The following MYO10 variants were observed in gnomAD, a reference collection of about 807,000 sequenced individuals.
MYO10 encodes unconventional myosin-X.
Under a neutral mutation model 257.3 loss-of-function variants are expected in MYO10, and 133 were observed. That is an observed-to-expected ratio of 0.52 (90% CI 0.45 to 0.60). The LOEUF (loss-of-function observed/expected upper bound fraction) is 0.60. MYO10 is among the 20% of genes least tolerant of loss of function. The probability of loss-of-function intolerance (pLI) is 0.00; values close to 1 mark genes in which losing one functional copy is unlikely to be tolerated. For synonymous variants in MYO10, 1,104 were observed against 1,028.6 expected (o/e 1.07, Z -1.40); for missense variants, 2,399 against 2,635.7 (o/e 0.91, Z 1.97).
intron 19 of MYO10, among the ~76,000 whole-genome samples, chr5:16,740,249 T>TG (rs1044331784): frequency 5.3e-5 from 8 of 151,988 alleles, no homozygotes; most frequent in African/African-American, 1.9e-4. Flanking sequence ...TTGTAGCCGC[T>TG]GGGGGAGCAA....
chr5:16,818,796 T>C (rs1312898504), intron 2 of MYO10, among the ~76,000 whole-genome samples: 2 of 152,190 alleles, frequency 1.3e-5, no homozygotes, highest in Non-Finnish European at 2.9e-5. Flanking sequence ...TAGATGTTCC[T>C]AAAAGATATT....
At position 16,718,023 on chromosome 5, in the gene MYO10, G is replaced by A. The variant is rs1738953554; in HGVS notation, c.1930-6778C>T. Among the ~76,000 whole-genome samples, 3 of 152,250 alleles carry A rather than the reference G, an allele frequency of 2.0e-5. No individual in the cohort carries two copies. In the South Asian group the frequency reaches 6.2e-4, roughly 31 times the overall value. On this transcript the variant is annotated intron_variant, in intron 19 of 40. Coordinates refer to ENST00000513610, the MANE Select transcript of MYO10 (RefSeq NM_012334.3). Reference sequence around the variant, plus strand: ...CAGCTGGAGTTGCGGGTGGGCGTGGGCTTGGTGGGCCCCGCACTCGGAGCA... The same window carrying A: ...CAGCTGGAGTTGCGGGTGGGCGTGGACTTGGTGGGCCCCGCACTCGGAGCA...
chr5:16,782,277 G>A (rs557375763), intron 5 of MYO10, among the ~76,000 whole-genome samples: 1 of 152,250 alleles, frequency 6.6e-6, no homozygotes, highest in Non-Finnish European at 1.5e-5. Context: ...TAGATCAGGG[G>A]CCGGCAAACT....
intron 1 of MYO10, among the ~76,000 whole-genome samples, chr5:16,928,656 C>T (rs1319676227): frequency 1.3e-5 from 2 of 151,798 alleles, no homozygotes; most frequent in African/African-American, 4.8e-5. Flanking sequence ...CCATTCTGGC[C>T]AACAAGGTGA....
At chr5:16,685,555 ATATTT>A (rs1162886622) in intron 29 of MYO10, among the ~76,000 whole-genome samples, 178 bp downstream of exon 29, 1 of 152,036 alleles carries the variant, frequency 6.6e-6, no homozygotes, top group Non-Finnish European at 1.5e-5. Flanking sequence ...ACCACTTATT[ATATTT>A]ATTATTGTAT....
chr5:16,747,700 C>T lies in MYO10; in HGVS notation c.1929+7128G>A, dbSNP rs772001349. On this transcript the variant is annotated intron_variant, in intron 19 of 40. Transcript: ENST00000513610. ...TCGGGAGGCCGAGGCGGGTGGATCA[C>T]GAGGTCAGGAGATTGAGACCAGTCT... Among the ~76,000 whole-genome samples the T allele has an allele frequency of 2.6e-5, 4 of 152,074 alleles. No individual in the cohort carries two copies. The South Asian group carries it at 8.3e-4, about 32-fold the overall frequency.
At chr5:16,676,660 G>A (rs1424510883) in intron 33 of MYO10, among the ~76,000 whole-genome samples, 6 of 152,118 alleles carry the variant, frequency 3.9e-5, no homozygotes, top group Admixed American at 1.3e-4. Flanking sequence ...AGGTTGCAGT[G>A]AGCCAAGATC....
intron 1 of MYO10, among the ~76,000 whole-genome samples, chr5:16,880,121 A>G (rs1744715628): frequency 6.6e-6 from 1 of 152,212 alleles, no homozygotes. Context: ...CAGAGGTTAC[A>G]CTGAATTGAG....
intron 1 of MYO10, among the ~76,000 whole-genome samples, chr5:16,901,407 C>G (rs1297106322): frequency 6.6e-6 from 1 of 152,134 alleles, no homozygotes; most frequent in African/African-American, 2.4e-5. Flanking sequence ...GCAAAGAAGG[C>G]AGGAAGGAGG....
At position 16,681,908 on chromosome 5, in the gene MYO10, C is replaced by A. The variant is rs1444342667; in HGVS notation, c.4152G>T (p.Gly1384=). Residue 1384 remains glycine (G), a synonymous_variant, in exon 31 of 41, where the codon GGG becomes GGT. Transcript: ENST00000513610. ...ATTCCTGGCCCTCCACTCTGGTGTC[C>A]CCTTTGGACCTCTGCAGCAGGGTTA... ...HWITLLQRSK[G]DTRVEGQEFI... 1.2e-6 allele frequency: 2 copies of A among 1,613,856 alleles called. No individual in the cohort carries two copies. The highest frequency in any genetic ancestry group is 1.7e-6 in the Non-Finnish European group (2 of 1,179,896).
At chr5:16,679,554 T>C (rs1236563342) in intron 33 of MYO10, among the ~76,000 whole-genome samples, 2 of 143,310 alleles carry the variant, frequency 1.4e-5, no homozygotes, top group Admixed American at 7.2e-5. Context: ...AGACGAAGTC[T>C]CACTCTGTCA....
At position 16,880,397 on chromosome 5, in the gene MYO10, C is replaced by T. The variant is rs1482725578; in HGVS notation, c.22-2690G>A. Among the ~76,000 whole-genome samples, 620 of 151,920 alleles carry T rather than the reference C, an allele frequency of 4.1e-3. 11 individuals are homozygous for T. The highest frequency in any genetic ancestry group is 0.014 in the African/African-American group (594 of 41,290). ...ACTCCTTTCCCCACTGACCAACTCACAGAGTTCCCCGGAGAGTTATACGAC... is the reference window on the plus strand; with the variant it reads ...ACTCCTTTCCCCACTGACCAACTCATAGAGTTCCCCGGAGAGTTATACGAC... On this transcript the variant is annotated intron_variant, in intron 1 of 40. Transcript: ENST00000513610.
intron 3 of MYO10, among the ~76,000 whole-genome samples, chr5:16,807,875 C>T (rs544186688): frequency 1.1e-4 from 17 of 152,238 alleles, no homozygotes; most frequent in African/African-American, 4.1e-4. Flanking sequence ...CACCCATTGT[C>T]ACCCTGAGCT....
intron 30 of MYO10, 113 bp from the exon 31 acceptor site, chr5:16,682,126 A>G (rs1737037099): frequency 2.4e-6 from 3 of 1,228,296 alleles, no homozygotes; most frequent in East Asian, 2.4e-5. Context: ...CGGGATATAC[A>G]CTGCTAGGCT....
chr5:16,900,415 T>TA (rs954689876), intron 1 of MYO10, among the ~76,000 whole-genome samples: 29 of 152,292 alleles, frequency 1.9e-4, no homozygotes, highest in African/African-American at 6.7e-4. Flanking sequence ...GGCTACAGGT[T>TA]AGACACTGTA....
Position 16,721,847 on chromosome 5 carries a change from G to A in MYO10, c.1930-10602C>T, listed in dbSNP as rs948519994. Among the ~76,000 whole-genome samples the A allele has an allele frequency of 3.9e-5, 6 of 152,136 alleles. No individual in the cohort carries two copies. In the East Asian group the frequency reaches 7.7e-4, roughly 20 times the overall value. ...ACACATACATGTCAATCTTTCTAAG[G>A]GATAGCTCTGGTTGTATCACAGCCC... On this transcript the variant is annotated intron_variant, in intron 19 of 40. Transcript: ENST00000513610.
chr5:16,701,283 C>T lies in MYO10; in HGVS notation c.3112G>A (p.Asp1038Asn), dbSNP rs201786991. Residue 1038 changes from aspartate (D) to asparagine (N), a missense_variant, in exon 25 of 41, where the codon GAC (aspartate) becomes AAC (asparagine). Transcript: ENST00000513610. The surrounding 1 kb of genome is among the most constrained non-coding windows in gnomAD (Gnocchi z 8.1). Reference protein sequence around the residue: ...DSSEEDPYMNDTVVPTSPSAD... With the variant: ...DSSEEDPYMNNTVVPTSPSAD... ...CTGGGGCTGGTGGGCACCACCGTGT[C>T]GTTCATGTATGGGTCCTCCTCTGAA... 31 of 1,613,832 alleles carry T rather than the reference C, an allele frequency of 1.9e-5. No individual in the cohort carries two copies. Among genetic ancestry groups the T allele is most frequent in the African/African-American group, 1.7e-4 (13 of 75,058 alleles).
chr5:16,761,469 T>C lies in MYO10; in HGVS notation c.1734A>G (p.Glu578=). The change falls in exon 17 of 41, where the codon GAA becomes GAG. Residue 578 remains glutamate (E), a synonymous_variant. Transcript: ENST00000513610. ...CGGTGAGAAGACTGACATACCGGCTTTCTCTTAGCAAATTGAGAAGGTCAT... is the reference window on the plus strand; with the variant it reads ...CGGTGAGAAGACTGACATACCGGCTCTCTCTTAGCAAATTGAGAAGGTCAT... ...FRDDLLNLLR[E]SRFDFIYDLF... 1 of 1,612,014 alleles carries C rather than the reference T, an allele frequency of 6.2e-7. No individual in the cohort carries two copies. Among genetic ancestry groups the C allele is most frequent in the Non-Finnish European group, 8.5e-7 (1 of 1,178,326 alleles).
intron 1 of MYO10, among the ~76,000 whole-genome samples, chr5:16,919,274 A>C (rs1295313972): frequency 6.6e-6 from 1 of 152,144 alleles, no homozygotes; most frequent in African/African-American, 2.4e-5. Flanking sequence ...GCTATTCAGG[A>C]GGCTGAGGCA....
Sources: gnomAD v4.1 joint callset for allele counts (sites outside exome capture counted in the v4.1 genomes callset) on GRCh38, gnomAD v4.1.1 for gene constraint, Gnocchi (gnomAD v3.1) non-coding constraint, MANE v1.5 for transcripts, NCBI Gene and HGNC (gene_info 2026-07-23, HGNC 2026-07-21) for gene names.